CNTNAP5: variants seen among roughly 807,000 people sequenced by gnomAD.
CNTNAP5 encodes contactin associated protein family member 5.
CNTNAP5 carries 72 observed loss-of-function variants against 150.2 expected under a neutral mutation model. The ratio of observed to expected loss-of-function variants is 0.48; its 90% CI spans 0.40 to 0.58. The LOEUF is 0.58. Ranked by LOEUF, CNTNAP5 falls within the 20% of genes least tolerant of loss-of-function variation. The pLI, the probability that CNTNAP5 is intolerant of heterozygous loss-of-function variation, is 0.00. For missense variants in CNTNAP5, 1,636 were observed against 1,626.2 expected, an observed-to-expected ratio of 1.01 and a Z score of -0.10; for synonymous variants, 672 against 619.8, an observed-to-expected ratio of 1.08 and a Z score of -1.25.
chr2:124,239,065 C>T (rs1686819500), intron 2 of CNTNAP5, among the ~76,000 whole-genome samples: 1 of 152,174 alleles, frequency 6.6e-6, no homozygotes, highest in Non-Finnish European at 1.5e-5. Flanking sequence ...ATGGTAACAA[C>T]AGCTATTCCA....
intron 3 of CNTNAP5, among the ~76,000 whole-genome samples, chr2:124,358,942 T>A (rs1231183961): frequency 2.0e-5 from 3 of 149,656 alleles, no homozygotes; most frequent in Non-Finnish European, 4.5e-5. Flanking sequence ...CCTGGACTCT[T>A]TTTGGTTGGT....
intron 6 of CNTNAP5, among the ~76,000 whole-genome samples, chr2:124,465,220 A>G (rs1406696096): frequency 1.3e-5 from 2 of 152,198 alleles, no homozygotes; most frequent in East Asian, 3.8e-4. Flanking sequence ...TTTAACATCA[A>G]TGCAGGCTTT....
intron 10 of CNTNAP5, among the ~76,000 whole-genome samples, chr2:124,551,043 C>T (rs985890225): frequency 3.9e-5 from 6 of 152,000 alleles, no homozygotes; most frequent in African/African-American, 1.2e-4. Context: ...TTTCAGTGTG[C>T]GGTAGAGTAG....
At chr2:124,244,165 T>C (rs568072439) in intron 3 of CNTNAP5, among the ~76,000 whole-genome samples, 1 of 152,220 alleles carries the variant, frequency 6.6e-6, no homozygotes, top group South Asian at 2.1e-4. Context: ...TTGGGATGTA[T>C]TTCGAGGGAT....
chr2:124,111,297 C>T (rs1413418279), intron 1 of CNTNAP5, among the ~76,000 whole-genome samples: 7 of 152,078 alleles, frequency 4.6e-5, no homozygotes, highest in African/African-American at 1.2e-4. Context: ...ATGATGAAAA[C>T]GTGCTAAAGT....
intron 3 of CNTNAP5, among the ~76,000 whole-genome samples, chr2:124,331,659 T>G (rs1484673662): frequency 6.6e-6 from 1 of 151,970 alleles, no homozygotes; most frequent in Non-Finnish European, 1.5e-5. Flanking sequence ...AGTCATTCAT[T>G]CCACTAACCA....
intron 3 of CNTNAP5, among the ~76,000 whole-genome samples, chr2:124,373,172 T>G (rs1443337273): frequency 6.6e-6 from 1 of 152,128 alleles, no homozygotes; most frequent in Non-Finnish European, 1.5e-5. Context: ...ATTCGATAAA[T>G]TTTTTATTTG....
At chr2:124,220,184 C>A (rs1392491219) in intron 1 of CNTNAP5, among the ~76,000 whole-genome samples, 1 of 151,826 alleles carries the variant, frequency 6.6e-6, no homozygotes, top group African/African-American at 2.4e-5. Context: ...TCCTGAGAGC[C>A]TTTACTACCA....
At chr2:124,035,712 C>A (rs1156276875) in intron 1 of CNTNAP5, among the ~76,000 whole-genome samples, 1 of 152,072 alleles carries the variant, frequency 6.6e-6, no homozygotes, top group Non-Finnish European at 1.5e-5. Context: ...TTCCCCAAAT[C>A]CCCAATTAAA....
chr2:124,184,684 T>C (rs1685290640), intron 1 of CNTNAP5, among the ~76,000 whole-genome samples: 1 of 152,156 alleles, frequency 6.6e-6, no homozygotes, highest in Non-Finnish European at 1.5e-5. Context: ...TTTATTACAT[T>C]GTGCTAAAGT....
intron 13 of CNTNAP5, among the ~76,000 whole-genome samples, chr2:124,716,449 G>T (rs1401893628): frequency 1.3e-5 from 2 of 151,880 alleles, no homozygotes; most frequent in Non-Finnish European, 2.9e-5. Context: ...GATAAATAAA[G>T]CATAGCAGTA....
At chr2:124,290,765 G>T (rs914270860) in intron 3 of CNTNAP5, among the ~76,000 whole-genome samples, 9 of 152,062 alleles carry the variant, frequency 5.9e-5, no homozygotes, top group African/African-American at 2.2e-4. Context: ...AGTGTTTCAT[G>T]GTCCTGAACT....
At position 124,106,348 on chromosome 2, in the gene CNTNAP5, G is replaced by A. The variant is rs569804827; in HGVS notation, c.82+80616G>A. Among the ~76,000 whole-genome samples, 4 of 152,324 alleles carry A rather than the reference G, an allele frequency of 2.6e-5. No individual in the cohort carries two copies. In the South Asian group the frequency reaches 6.2e-4, roughly 24 times the overall value. ...GAGCACCCTGGATAGATGCAGGATG[G>A]AGGCTGGGCACCAGCAAGTCCTAGG... is the stretch of plus-strand genomic sequence containing the variant. On this transcript the variant is annotated intron_variant, in intron 1 of 23. Transcript: ENST00000682447.
intron 14 of CNTNAP5, among the ~76,000 whole-genome samples, chr2:124,759,878 G>T (rs1004507953): frequency 2.1e-5 from 3 of 145,286 alleles, no homozygotes; most frequent in African/African-American, 7.6e-5. Flanking sequence ...ATTTGCTTTG[G>T]TTGGCAGCCA....
intron 3 of CNTNAP5, among the ~76,000 whole-genome samples, chr2:124,260,980 T>C (rs1380038537): frequency 6.6e-6 from 1 of 152,198 alleles, no homozygotes; most frequent in African/African-American, 2.4e-5. Flanking sequence ...TTTAAAAGCA[T>C]CTTGAGAGAT....
chr2:124,400,880 C>CT (rs911366647), intron 3 of CNTNAP5, among the ~76,000 whole-genome samples: 3 of 150,274 alleles, frequency 2.0e-5, no homozygotes, highest in African/African-American at 4.9e-5. Context: ...TTTTTTATTA[C>CT]TTTTTTTTTG....
At chr2:124,457,337 A>C (rs2104816666) in intron 6 of CNTNAP5, among the ~76,000 whole-genome samples, 1 of 152,366 alleles carries the variant, frequency 6.6e-6, no homozygotes, top group Non-Finnish European at 1.5e-5. Context: ...GCACAGCAAA[A>C]GGAACAGTCA....
chr2:124,528,729 G>T (rs892814334), intron 10 of CNTNAP5, among the ~76,000 whole-genome samples: 11 of 152,146 alleles, frequency 7.2e-5, no homozygotes, highest in African/African-American at 2.7e-4. Flanking sequence ...GTACCAGTGG[G>T]ATTTGGTTTC....
intron 14 of CNTNAP5, among the ~76,000 whole-genome samples, chr2:124,760,065 C>T (rs1000056469): frequency 2.7e-5 from 4 of 149,136 alleles, no homozygotes; most frequent in Non-Finnish European, 5.9e-5. Flanking sequence ...GCATTGCAGA[C>T]TTGAAGAGTT....
Sources: allele counts gnomAD v4.1 joint callset (sites outside exome capture counted in the v4.1 genomes callset), GRCh38; gene constraint gnomAD v4.1.1; transcripts MANE v1.5; gene names NCBI Gene and HGNC (gene_info 2026-07-23, HGNC 2026-07-21).